The following TMEM178B variants were observed in gnomAD, a reference collection of about 807,000 sequenced individuals.
The protein encoded by TMEM178B is transmembrane protein 178B.
Under a neutral mutation model 31.0 loss-of-function variants are expected in TMEM178B, and 5 were observed. That is an observed-to-expected ratio of 0.16 (90% CI 0.08 to 0.34). The LOEUF is 0.34. Ranked by LOEUF, TMEM178B falls within the 10% of genes least tolerant of loss-of-function variation. The pLI, the probability that TMEM178B is intolerant of heterozygous loss-of-function variation, is 1.00. For missense variants in TMEM178B, 275 were observed against 400.3 expected (o/e 0.69, Z 2.67); for synonymous variants, 164 against 164.0 (o/e 1.00, Z 0.00).
intron 2 of TMEM178B, among the ~76,000 whole-genome samples, chr7:141,415,745 C>T (rs936968157): frequency 3.3e-5 from 5 of 152,092 alleles, no homozygotes; most frequent in Non-Finnish European, 1.5e-5. Context: ...AGGGGATGTG[C>T]CCTTTGATAG....
intron 2 of TMEM178B, among the ~76,000 whole-genome samples, chr7:141,350,995 T>C (rs984311813): frequency 6.6e-6 from 1 of 152,196 alleles, no homozygotes; most frequent in African/African-American, 2.4e-5. Context: ...CCTCTGGCAT[T>C]CTTATTAGCA....
intron 2 of TMEM178B, among the ~76,000 whole-genome samples, chr7:141,272,921 C>T (rs1798208248): frequency 1.3e-5 from 2 of 152,188 alleles, no homozygotes; most frequent in Admixed American, 1.3e-4. Context: ...TCCACACTTC[C>T]ATTTTTATTA....
chr7:141,153,002 C>T (rs1298097283), intron 1 of TMEM178B, among the ~76,000 whole-genome samples: 1 of 152,156 alleles, frequency 6.6e-6, no homozygotes, highest in Non-Finnish European at 1.5e-5. Flanking sequence ...GATATTTTGT[C>T]TTAAGTCACA....
intron 1 of TMEM178B, among the ~76,000 whole-genome samples, chr7:141,184,337 C>G (rs771032331): frequency 6.6e-6 from 1 of 152,170 alleles, no homozygotes; most frequent in Non-Finnish European, 1.5e-5. Context: ...CTTCCTCCCC[C>G]ACTGTTACTC....
intron 2 of TMEM178B, among the ~76,000 whole-genome samples, chr7:141,434,264 G>A (rs1472924071): frequency 1.3e-5 from 2 of 152,132 alleles, no homozygotes; most frequent in Non-Finnish European, 2.9e-5. Context: ...ATTCCCCCAG[G>A]CAGAACCTTT....
chr7:141,295,021 T>C (rs757407142), intron 2 of TMEM178B, among the ~76,000 whole-genome samples: 13 of 152,220 alleles, frequency 8.5e-5, no homozygotes, highest in Non-Finnish European at 1.3e-4. Context: ...GAGAAGCTGC[T>C]TGGGGCTTGC....
intron 2 of TMEM178B, among the ~76,000 whole-genome samples, chr7:141,221,864 A>G (rs1563122554): frequency 1.3e-5 from 2 of 152,252 alleles, no homozygotes; most frequent in Non-Finnish European, 2.9e-5. Flanking sequence ...GATGGGGTCG[A>G]TTGCCTGGAA....
At position 141,283,179 on chromosome 7, in the gene TMEM178B, A is replaced by G. The variant is rs1798393467; in HGVS notation, c.496+70475A>G. 3.3e-5 allele frequency among the ~76,000 whole-genome samples: 5 copies of G among 152,284 alleles called. No individual in the cohort carries two copies. In the South Asian group the frequency reaches 6.2e-4, roughly 19 times the overall value. On this transcript the variant is annotated intron_variant, in intron 2 of 3. Transcript: ENST00000565468. The stretch of plus-strand genomic sequence containing the variant: ...ATAGACTCAGCTCTTTCCCAAATGC[A>G]CTGGCTCTCAGCTTATTTGTCAGCA...
the TMEM178B span, among the ~76,000 whole-genome samples, chr7:141,493,704 T>A: frequency 6.6e-6 from 1 of 152,238 alleles, no homozygotes; most frequent in Non-Finnish European, 1.5e-5. Flanking sequence ...ATGGTCTCTT[T>A]TTTTCATCTT....
intron 2 of TMEM178B, among the ~76,000 whole-genome samples, chr7:141,373,539 G>A (rs1197212511): frequency 2.0e-5 from 3 of 152,242 alleles, no homozygotes; most frequent in Non-Finnish European, 4.4e-5. Context: ...GAACTACCAT[G>A]CAGTTGCAGC....
chr7:141,251,532 A>G (rs1315694365), intron 2 of TMEM178B, among the ~76,000 whole-genome samples: 1 of 152,148 alleles, frequency 6.6e-6, no homozygotes, highest in Non-Finnish European at 1.5e-5. Context: ...TACTAGGTGC[A>G]TGATATAGAG....
intron 2 of TMEM178B, among the ~76,000 whole-genome samples, chr7:141,340,677 C>T (rs544398850): frequency 6.6e-6 from 1 of 151,998 alleles, no homozygotes; most frequent in African/African-American, 2.4e-5. Flanking sequence ...AGGAGCAGTG[C>T]AACAGAAAAA....
Position 141,273,594 on chromosome 7 carries a change from G to C in TMEM178B, c.496+60890G>C, listed in dbSNP as rs577499423. ...AAAGCATTGCATTCTACAACGAATAGAATAGTGATTATTAATCATCTAAGC... is the reference window on the plus strand; with the variant it reads ...AAAGCATTGCATTCTACAACGAATACAATAGTGATTATTAATCATCTAAGC... On this transcript the variant is annotated intron_variant, in intron 2 of 3. Transcript: ENST00000565468. Among the ~76,000 whole-genome samples, 83 of 152,284 alleles carry C rather than the reference G, an allele frequency of 5.5e-4. 1 individual carries two copies. The South Asian group carries it at 0.017, about 31-fold the overall frequency.
chr7:141,080,545 A>G (rs934454098), intron 1 of TMEM178B, among the ~76,000 whole-genome samples: 10 of 152,198 alleles, frequency 6.6e-5, no homozygotes, highest in African/African-American at 1.9e-4. Flanking sequence ...GCTTGAATCC[A>G]GGAAGCGGAG....
At chr7:141,255,389 G>A (rs1247535442) in intron 2 of TMEM178B, among the ~76,000 whole-genome samples, 1 of 152,168 alleles carries the variant, frequency 6.6e-6, no homozygotes, top group African/African-American at 2.4e-5. Flanking sequence ...GAGGAAAAAG[G>A]CAGAAAAGGA....
chr7:141,503,376 T>G, the TMEM178B span, among the ~76,000 whole-genome samples: 1 of 152,198 alleles, frequency 6.6e-6, no homozygotes. Flanking sequence ...TCCAAGCCAT[T>G]TGGTGCCAAA....
intron 3 of TMEM178B, among the ~76,000 whole-genome samples, chr7:141,444,804 G>A (rs372745019): frequency 2.0e-5 from 3 of 152,080 alleles, no homozygotes; most frequent in African/African-American, 7.2e-5. Flanking sequence ...GGCACCCCGT[G>A]TTGAAGATCT....
At chr7:141,393,130 C>T (rs1295437432) in intron 2 of TMEM178B, among the ~76,000 whole-genome samples, 1 of 152,134 alleles carries the variant, frequency 6.6e-6, no homozygotes, top group Admixed American at 6.5e-5. Context: ...TTCCTCTCCT[C>T]TTTGGTAAAG....
chr7:141,393,870 C>A (rs1019570978), intron 2 of TMEM178B, among the ~76,000 whole-genome samples: 1 of 152,146 alleles, frequency 6.6e-6, no homozygotes, highest in Non-Finnish European at 1.5e-5. Context: ...CAAAGACATG[C>A]TTTTAACTTT....
Sources: gnomAD v4.1 joint callset for allele counts (sites outside exome capture counted in the v4.1 genomes callset) on GRCh38, gnomAD v4.1.1 for gene constraint, MANE v1.5 for transcripts, NCBI Gene and HGNC (gene_info 2026-07-23, HGNC 2026-07-21) for gene names.